ENPP1: variants seen among roughly 807,000 people sequenced by gnomAD.
The protein encoded by ENPP1 is ectonucleotide pyrophosphatase/phosphodiesterase family member 1.
In ENPP1, 73 loss-of-function variants were observed where a neutral mutation model predicts 122.8. The observed-to-expected ratio is 0.59, with a 90% CI of 0.49 to 0.72. The LOEUF is 0.72. Among genes scored for constraint, ENPP1 ranks in the 30% least tolerant of loss-of-function variants. The probability of loss-of-function intolerance (pLI) is 0.00; values close to 1 mark genes in which losing one functional copy is unlikely to be tolerated. For synonymous variants in ENPP1, 367 were observed against 391.6 expected, an observed-to-expected ratio of 0.94 and a Z score of 0.74; for missense variants, 978 against 1,128.1, an observed-to-expected ratio of 0.87 and a Z score of 1.91.
chr6:131,822,884 A>G (rs958225114), intron 1 of ENPP1, among the ~76,000 whole-genome samples: 4 of 152,106 alleles, frequency 2.6e-5, no homozygotes, highest in Non-Finnish European at 5.9e-5. Context: ...TTTCATGGTT[A>G]AATTACTAGT....
chr6:131,867,911 CT>C (rs1782110443), intron 11 of ENPP1, 106 bp from the exon 12 acceptor site: 1 of 795,596 alleles, frequency 1.3e-6, no homozygotes, highest in Non-Finnish European at 2.1e-6. Flanking sequence ...GTCTTTCTTT[CT>C]TTCTTTGTTT....
At chr6:131,814,880 GGATAGTACCTGAC>G (rs1489716009) in intron 1 of ENPP1, among the ~76,000 whole-genome samples, 1 of 152,186 alleles carries the variant, frequency 6.6e-6, no homozygotes, top group Admixed American at 6.5e-5. Context: ...ATTAGGCAGA[GGATAGTACCTGAC>G]ACTCAATGTC....
chr6:131,819,734 C>T, intron 1 of ENPP1: 1 of 284,614 alleles, frequency 3.5e-6, no homozygotes, highest in Non-Finnish European at 7.0e-6. Context: ...TGGCCAGCCC[C>T]CCACTTCTTG....
intron 1 of ENPP1, among the ~76,000 whole-genome samples, chr6:131,830,625 T>C (rs965356124): frequency 6.6e-6 from 1 of 152,248 alleles, no homozygotes; most frequent in South Asian, 2.1e-4. Context: ...ATGATTTACA[T>C]ATTTCCATGT....
chr6:131,841,719 G>T (rs1406940917), intron 1 of ENPP1, among the ~76,000 whole-genome samples: 5 of 152,082 alleles, frequency 3.3e-5, no homozygotes, highest in African/African-American at 1.2e-4. Context: ...CATGCCTCTC[G>T]GGAACTCACA....
At chr6:131,874,130 G>A (rs1782198107) in intron 15 of ENPP1, 138 bp from the exon 16 acceptor site, 2 of 645,736 alleles carry the variant, frequency 3.1e-6, no homozygotes, top group Non-Finnish European at 5.5e-6. Flanking sequence ...GCTTTTCAAA[G>A]CCAGGTGGTT....
intron 1 of ENPP1, chr6:131,827,936 C>A: frequency 9.8e-7 from 1 of 1,025,386 alleles, no homozygotes; most frequent in South Asian, 1.3e-5. Flanking sequence ...CGTGGAGAAT[C>A]GAAGCACTTA....
At chr6:131,836,902 A>T (rs1271389468) in intron 1 of ENPP1, among the ~76,000 whole-genome samples, 1 of 152,182 alleles carries the variant, frequency 6.6e-6, no homozygotes, top group African/African-American at 2.4e-5. Flanking sequence ...TTTTAGGGAA[A>T]GTGCTTGTGA....
chr6:131,842,718 C>A (rs1286227955), intron 1 of ENPP1, among the ~76,000 whole-genome samples: 3 of 152,142 alleles, frequency 2.0e-5, no homozygotes, highest in African/African-American at 7.2e-5. Context: ...CTTCCCCCGG[C>A]CAACTTCCTT....
intron 1 of ENPP1, among the ~76,000 whole-genome samples, chr6:131,817,754 TACACACACACAC>T (rs138209749): frequency 6.8e-6 from 1 of 146,336 alleles, no homozygotes; most frequent in African/African-American, 2.5e-5. Context: ...TCTCTCTCCA[TACACACACACAC>T]ACACACACAC....
At chr6:131,881,715 C>T (rs994657138) in intron 20 of ENPP1, among the ~76,000 whole-genome samples, 1 of 152,028 alleles carries the variant, frequency 6.6e-6, no homozygotes, top group African/African-American at 2.4e-5. Flanking sequence ...AACCCTGTCT[C>T]TACTAAAAAT....
At chr6:131,873,137 ATGT>A in intron 15 of ENPP1, 87 bp downstream of exon 15, 1 of 1,397,252 alleles carries the variant, frequency 7.2e-7, no homozygotes, top group Non-Finnish European at 1.0e-6. Flanking sequence ...CAATATTGTT[ATGT>A]GAAAACTGTA....
At chr6:131,890,267 G>A in intron 24 of ENPP1, 74 bp from the exon 25 acceptor site, 1 of 1,163,008 alleles carries the variant, frequency 8.6e-7, no homozygotes, top group Non-Finnish European at 1.3e-6. Flanking sequence ...ATTAAACTGG[G>A]GAGATGGAGC....
rs1349401548 is a variant in ENPP1 at position 131,849,979 on chromosome 6, A to G, written c.314-11A>G. On this transcript the variant is annotated splice_polypyrimidine_tract_variant and intron_variant, in intron 2 of 24. Transcript: ENST00000647893. ...ATTAGAAACATCTGACTTATCGTTCAATTTTTTCAGTTAAAAGTTGCAAAG... is the reference window on the plus strand; with the variant it reads ...ATTAGAAACATCTGACTTATCGTTCGATTTTTTCAGTTAAAAGTTGCAAAG... 2 of 1,587,594 alleles carry G rather than the reference A, an allele frequency of 1.3e-6. No homozygotes were observed. The highest frequency in any genetic ancestry group is 1.7e-6 in the Non-Finnish European group (2 of 1,155,812).
rs1782024793 is a variant in ENPP1, at chr6:131,861,641, T to A, written c.962T>A (p.Phe321Tyr). 1 of 1,613,984 alleles carries A rather than the reference T, an allele frequency of 6.2e-7. No homozygotes were observed. The highest frequency in any genetic ancestry group is 8.5e-7 in the Non-Finnish European group (1 of 1,179,848). The change falls in exon 9 of 25, where the codon TTC becomes TAC. Residue 321 changes from phenylalanine (F) to tyrosine (Y), a missense_variant. This residue lies in a region of ENPP1 where 644 missense variants were observed against 781.5 expected (regional missense o/e 0.82). Coordinates refer to ENST00000647893, the MANE Select transcript of ENPP1 (RefSeq NM_006208.3). ...CAAGGCCTCAAGTCTGGCACATTTT[T>A]CTGGCCAGGATCAGATGTGGAAATT... Reference protein sequence around the residue: ...KYQGLKSGTFFWPGSDVEING... With the variant: ...KYQGLKSGTFYWPGSDVEING...
chr6:131,838,069 G>A (rs1287943531), intron 1 of ENPP1, among the ~76,000 whole-genome samples: 1 of 152,090 alleles, frequency 6.6e-6, no homozygotes, highest in Non-Finnish European at 1.5e-5. Flanking sequence ...GATTCAGGTA[G>A]CTTATTGAAT....
intron 9 of ENPP1, 27 bp downstream of exon 9, chr6:131,861,731 T>A: frequency 8.1e-7 from 1 of 1,236,898 alleles, no homozygotes; most frequent in Non-Finnish European, 1.2e-6. Flanking sequence ...TTTTCTAGGA[T>A]CTGTAATATA....
At chr6:131,877,183 G>A (rs752933474) in intron 18 of ENPP1, 22 bp downstream of exon 18, 1 of 1,609,808 alleles carries the variant, frequency 6.2e-7, no homozygotes, top group African/African-American at 1.3e-5. Context: ...CAAGAAGTTT[G>A]GTCCAGTATG....
chr6:131,892,528 G>A lies in ENPP1; in HGVS notation c.*2017G>A, dbSNP rs1369222562. 1 of 152,180 alleles carries A rather than the reference G, an allele frequency of 6.6e-6. No homozygotes were observed. Among genetic ancestry groups the A allele is most frequent in the Non-Finnish European group, 1.5e-5 (1 of 68,022 alleles). The allele number at this position is 152,180 out of a possible 1,614,324, so 9.4% of individuals were successfully genotyped here. On this transcript the variant is annotated 3_prime_UTR_variant, in exon 25 of 25. Transcript: ENST00000647893. ...CTAATGCTATGGGACAGAGTGACCA[G>A]GAAGAGCTTCATTACACCAGGTGGG...
Sources: gnomAD v4.1 joint callset for allele counts (sites outside exome capture counted in the v4.1 genomes callset) on GRCh38, gnomAD v4.1.1 for gene constraint, gnomAD v4.1.1 regional missense constraint, MANE v1.5 for transcripts, NCBI Gene and HGNC (gene_info 2026-07-23, HGNC 2026-07-21) for gene names.